BRINP3: variants seen among roughly 807,000 people sequenced by gnomAD.
The protein encoded by BRINP3 is BMP/retinoic acid inducible neural specific 3.
Under a neutral mutation model 71.0 loss-of-function variants are expected in BRINP3, and 19 were observed. The ratio of observed to expected loss-of-function variants is 0.27; its 90% CI spans 0.19 to 0.39. The LOEUF is 0.39. Among genes scored for constraint, BRINP3 ranks in the 10% least tolerant of loss-of-function variants. BRINP3 has a pLI of 1.00. For synonymous variants in BRINP3, 380 were observed against 337.7 expected, an observed-to-expected ratio of 1.13 and a Z score of -1.37; for missense variants, 959 against 940.8, an observed-to-expected ratio of 1.02 and a Z score of -0.25.
intron 6 of BRINP3, among the ~76,000 whole-genome samples, chr1:190,187,110 T>A (rs1383624223): frequency 1.3e-5 from 2 of 152,170 alleles, no homozygotes; most frequent in African/African-American, 4.8e-5. Flanking sequence ...TGTATTTGGA[T>A]TTCCCTGATG....
intron 2 of BRINP3, among the ~76,000 whole-genome samples, chr1:190,441,193 C>T (rs1465972751): frequency 6.6e-6 from 1 of 151,426 alleles, no homozygotes; most frequent in Non-Finnish European, 1.5e-5. Flanking sequence ...GTATCTGAAG[C>T]CCCTGAAGTC....
intron 6 of BRINP3, among the ~76,000 whole-genome samples, chr1:190,172,751 G>A (rs1465554953): frequency 6.6e-6 from 1 of 152,156 alleles, no homozygotes; most frequent in Non-Finnish European, 1.5e-5. Context: ...ATCCTCAGAA[G>A]TTTATGATAA....
intron 6 of BRINP3, among the ~76,000 whole-genome samples, chr1:190,203,479 G>GTGTGTGTGTGTGTGTA (rs1553258912): frequency 6.8e-6 from 1 of 147,016 alleles, no homozygotes; most frequent in East Asian, 2.0e-4. Flanking sequence ...GTGTGTGTGT[G>GTGTGTGTGTGTGTGTA]TATATATATA....
chr1:190,192,615 T>G (rs1389218704), intron 6 of BRINP3, among the ~76,000 whole-genome samples: 3 of 151,980 alleles, frequency 2.0e-5, no homozygotes, highest in African/African-American at 7.2e-5. Flanking sequence ...TAAAGATAAC[T>G]ATTACCTATG....
At chr1:190,239,135 C>T (rs961253642) in intron 4 of BRINP3, among the ~76,000 whole-genome samples, 1 of 152,052 alleles carries the variant, frequency 6.6e-6, no homozygotes, top group Non-Finnish European at 1.5e-5. Context: ...GAAACCACAC[C>T]CATGATCCAA....
intron 4 of BRINP3, among the ~76,000 whole-genome samples, chr1:190,261,249 G>A (rs1355420974): frequency 6.6e-6 from 1 of 151,684 alleles, no homozygotes; most frequent in Non-Finnish European, 1.5e-5. Context: ...ATAATTTTTT[G>A]AATAACTTAA....
At chr1:190,216,109 AT>A in intron 6 of BRINP3, among the ~76,000 whole-genome samples, 1 of 151,374 alleles carries the variant, frequency 6.6e-6, no homozygotes, top group East Asian at 1.9e-4. Flanking sequence ...TTTTCTGGCA[AT>A]TTTGGTAATT....
chr1:190,253,154 C>A (rs1660305636), intron 4 of BRINP3, among the ~76,000 whole-genome samples: 1 of 152,102 alleles, frequency 6.6e-6, no homozygotes, highest in Non-Finnish European at 1.5e-5. Flanking sequence ...ATATGTGCCA[C>A]ATTTTCTTAA....
chr1:190,108,379 T>A (rs543897712), intron 7 of BRINP3, among the ~76,000 whole-genome samples: 24 of 151,730 alleles, frequency 1.6e-4, no homozygotes, highest in African/African-American at 5.6e-4. Flanking sequence ...GGTATAAAAT[T>A]TGTACAATGG....
intron 3 of BRINP3, among the ~76,000 whole-genome samples, chr1:190,278,473 A>G (rs1414460148): frequency 6.6e-6 from 1 of 151,740 alleles, no homozygotes; most frequent in East Asian, 1.9e-4. Flanking sequence ...TAGTGTAAGT[A>G]CAATAGCAAT....
chr1:190,328,893 AC>A (rs1666782741), intron 2 of BRINP3, among the ~76,000 whole-genome samples: 1 of 152,082 alleles, frequency 6.6e-6, no homozygotes, highest in African/African-American at 2.4e-5. Context: ...AATGTGATTC[AC>A]CACATAAACA....
intron 4 of BRINP3, among the ~76,000 whole-genome samples, chr1:190,259,955 G>T (rs1292933974): frequency 6.6e-6 from 1 of 151,330 alleles, no homozygotes; most frequent in Non-Finnish European, 1.5e-5. Context: ...TTGAGCCTGG[G>T]AGTCAGAGGT....
At chr1:190,349,866 T>C (rs1020038743) in intron 2 of BRINP3, among the ~76,000 whole-genome samples, 1 of 152,142 alleles carries the variant, frequency 6.6e-6, no homozygotes, top group Non-Finnish European at 1.5e-5. Context: ...GAAATTATCA[T>C]TTTAAAATTT....
At chr1:190,453,130 C>A (rs925056151) in intron 2 of BRINP3, among the ~76,000 whole-genome samples, 1 of 143,492 alleles carries the variant, frequency 7.0e-6, no homozygotes, top group Non-Finnish European at 1.5e-5. Context: ...AATAAACACA[C>A]ATAAAAATAA....
chr1:190,127,966 T>C lies in BRINP3; in HGVS notation c.1185-28832A>G, dbSNP rs531884623. Among the ~76,000 whole-genome samples the C allele has an allele frequency of 1.1e-4, 17 of 151,574 alleles. No homozygotes were observed. The South Asian group carries it at 3.3e-3, about 30-fold the overall frequency. On this transcript the variant is annotated intron_variant, in intron 7 of 7. Transcript: ENST00000367462. ...GGATAGGGAAAGAAAAGACAAAGAG[T>C]GATTCATTGAGTCAAATTTCTTGGT...
intron 2 of BRINP3, among the ~76,000 whole-genome samples, chr1:190,396,404 C>T (rs1356921489): frequency 5.1e-5 from 4 of 78,306 alleles, no homozygotes; most frequent in Non-Finnish European, 1.1e-4. Context: ...TAGATCTTGG[C>T]TCAATTCCTC....
rs762117008 is a variant in BRINP3, at chr1:190,372,729, G to T, written c.236+81926C>A. The stretch of plus-strand genomic sequence containing the variant: ...CTAAGGCAATTTCAGTTCAGTTCAG[G>T]AATTACACTAAAACAGACAGTTGTA... On this transcript the variant is annotated intron_variant, in intron 2 of 7. Coordinates refer to ENST00000367462, the MANE Select transcript of BRINP3 (RefSeq NM_199051.3). Among the ~76,000 whole-genome samples, 64 of 152,076 alleles carry T rather than the reference G, an allele frequency of 4.2e-4. 2 individuals are homozygous for T. Among genetic ancestry groups the T allele is most frequent in the Admixed American group, 3.3e-4 (5 of 15,260 alleles).
chr1:190,279,409 G>GT (rs1662871955), intron 3 of BRINP3, among the ~76,000 whole-genome samples: 1 of 151,766 alleles, frequency 6.6e-6, no homozygotes, highest in South Asian at 2.1e-4. Flanking sequence ...TCACATAGGT[G>GT]TTATTCTCCC....
intron 2 of BRINP3, among the ~76,000 whole-genome samples, chr1:190,365,830 A>ATATATG (rs1558221527): frequency 6.8e-6 from 1 of 146,206 alleles, no homozygotes; most frequent in Non-Finnish European, 1.5e-5. Context: ...ATATATATAT[A>ATATATG]TATATACACA....
Sources: allele counts gnomAD v4.1 joint callset (sites outside exome capture counted in the v4.1 genomes callset), GRCh38; gene constraint gnomAD v4.1.1; transcripts MANE v1.5; gene names NCBI Gene and HGNC (gene_info 2026-07-23, HGNC 2026-07-21).